COMMD7: variants seen among roughly 807,000 people sequenced by gnomAD.
COMMD7 encodes the protein COMM domain containing 7, also known as COMM domain-containing protein 7.
COMMD7 carries 28 observed loss-of-function variants against 34.8 expected under a neutral mutation model. The ratio of observed to expected loss-of-function variants is 0.80; its 90% CI spans 0.60 to 1.10. The LOEUF (loss-of-function observed/expected upper bound fraction) is 1.10, where lower values mean the gene tolerates loss of function less well. COMMD7 is among the 50% of genes least tolerant of loss of function. COMMD7 has a pLI of 0.00. For synonymous variants in COMMD7, 80 were observed against 86.4 expected (o/e 0.93, Z 0.41); for missense variants, 211 against 241.6 (o/e 0.87, Z 0.84).
At chr20:32,720,559 C>T (rs1985092254) in intron 3 of COMMD7, among the ~76,000 whole-genome samples, 1 of 152,136 alleles carries the variant, frequency 6.6e-6, no homozygotes, top group Admixed American at 6.6e-5. Flanking sequence ...CCTGTAATCC[C>T]AGCATTTTGG....
intron 3 of COMMD7, among the ~76,000 whole-genome samples, chr20:32,717,900 C>A (rs1428176662): frequency 2.0e-5 from 3 of 151,360 alleles, no homozygotes; most frequent in Non-Finnish European, 4.4e-5. Flanking sequence ...CCCTGGCTGA[C>A]ATGGTAAAAC....
At position 32,703,330 on chromosome 20, in the gene COMMD7, A is replaced by G. The variant is rs1455550446; in HGVS notation, c.*52T>C. 2.6e-6 allele frequency: 4 copies of G among 1,535,802 alleles called. No homozygotes were observed. The African/African-American group carries it at 4.1e-5, about 16-fold the overall frequency. On this transcript the variant is annotated 3_prime_UTR_variant, in exon 9 of 9. Transcript: ENST00000278980. ...GAAGTGCCTCTCAGAGCAGTCACCC[A>G]GGGAAGGGAGGAGGGCAGGGAACGG...
chr20:32,703,966 C>T (rs755769517), intron 8 of COMMD7, 57 bp downstream of exon 8: 24 of 1,612,686 alleles, frequency 1.5e-5, no homozygotes, highest in Admixed American at 8.4e-5. Flanking sequence ...GTCACCAGCC[C>T]CTGATTGCAG....
At chr20:32,741,066 C>T (rs1248499062) in intron 1 of COMMD7, among the ~76,000 whole-genome samples, 1 of 151,774 alleles carries the variant, frequency 6.6e-6, no homozygotes, top group Non-Finnish European at 1.5e-5. Context: ...TCACTTGAGC[C>T]CAGGAGGTGA....
intron 3 of COMMD7, among the ~76,000 whole-genome samples, chr20:32,713,729 G>C (rs1984606159): frequency 6.6e-6 from 1 of 152,198 alleles, no homozygotes; most frequent in African/African-American, 2.4e-5. Flanking sequence ...TCAATGAACT[G>C]AACAGACAAC....
chr20:32,703,116 A>G lies in COMMD7; in HGVS notation c.*266T>C, dbSNP rs1983848805. Reference sequence around the variant, plus strand: ...ATTTTCTCCCCTGAATCTGAGATGCAGTGGCCTGTCAGAGTATCTAAAAAT... The same window carrying G: ...ATTTTCTCCCCTGAATCTGAGATGCGGTGGCCTGTCAGAGTATCTAAAAAT... On this transcript the variant is annotated 3_prime_UTR_variant, in exon 9 of 9. Transcript: ENST00000278980. 6.0e-6 allele frequency: 2 copies of G among 335,744 alleles called. No individual in the cohort carries two copies. Among genetic ancestry groups the G allele is most frequent in the South Asian group, 2.5e-4 (2 of 8,118 alleles). 20.8% of individuals were successfully genotyped at this position (335,744 alleles called of 1,614,324 possible).
chr20:32,718,887 A>G (rs1016537431), intron 3 of COMMD7, among the ~76,000 whole-genome samples: 1 of 152,036 alleles, frequency 6.6e-6, no homozygotes, highest in South Asian at 2.1e-4. Flanking sequence ...AGATGTGTCA[A>G]TGTGTGCTTG....
intron 3 of COMMD7, among the ~76,000 whole-genome samples, chr20:32,721,608 A>G (rs2145746539): frequency 6.6e-6 from 1 of 151,498 alleles, no homozygotes; most frequent in Non-Finnish European, 1.5e-5. Flanking sequence ...AGCTGAGCAC[A>G]GTGGCTCATG....
intron 3 of COMMD7, among the ~76,000 whole-genome samples, chr20:32,715,191 A>AT (rs1241664042): frequency 6.6e-6 from 1 of 150,772 alleles, no homozygotes; most frequent in Non-Finnish European, 1.5e-5. Context: ...AATAATAATA[A>AT]AAAAACAGGC....
At chr20:32,717,950 G>A (rs1441269577) in intron 3 of COMMD7, among the ~76,000 whole-genome samples, 6 of 151,798 alleles carry the variant, frequency 4.0e-5, no homozygotes, top group Non-Finnish European at 5.9e-5. Context: ...AGAGCCTGGC[G>A]TGGTAGTGTG....
At chr20:32,730,000 G>A (rs1252536355) in intron 1 of COMMD7, among the ~76,000 whole-genome samples, 1 of 152,050 alleles carries the variant, frequency 6.6e-6, no homozygotes, top group Admixed American at 6.6e-5. Flanking sequence ...ACGACAGATT[G>A]AGACTCTGTC....
At chr20:32,732,565 A>C (rs1167616276) in intron 1 of COMMD7, among the ~76,000 whole-genome samples, 4 of 151,104 alleles carry the variant, frequency 2.6e-5, no homozygotes, top group Non-Finnish European at 1.5e-5. Flanking sequence ...CCAGGAGACA[A>C]GCATTATGTT....
rs150632337 is a variant in COMMD7, at chr20:32,733,864, G to A, written c.85-5722C>T. ...TGCACGATTGCACTCCAGCCTGGGC[G>A]GAGTGGAACTCCTTCTCAAAAAAAA... is the stretch of plus-strand genomic sequence containing the variant. On this transcript the variant is annotated intron_variant, in intron 1 of 8. Coordinates refer to ENST00000278980, the MANE Select transcript of COMMD7 (RefSeq NM_053041.3). Among the ~76,000 whole-genome samples, 144 of 142,606 alleles carry A rather than the reference G, an allele frequency of 1.0e-3. 2 individuals carry two copies. Among genetic ancestry groups the A allele is most frequent in the South Asian group, 5.0e-3 (22 of 4,428 alleles). The allele number at this position is 142,606 out of a possible 152,430, so 93.6% of individuals were successfully genotyped here.
intron 3 of COMMD7, among the ~76,000 whole-genome samples, chr20:32,718,585 G>A (rs1984955449): frequency 6.6e-6 from 1 of 152,150 alleles, no homozygotes; most frequent in Non-Finnish European, 1.5e-5. Flanking sequence ...TGTAATCCCA[G>A]CTACTTGGGA....
At chr20:32,717,624 C>A (rs1287894463) in intron 3 of COMMD7, among the ~76,000 whole-genome samples, 1 of 152,012 alleles carries the variant, frequency 6.6e-6, no homozygotes, top group Non-Finnish European at 1.5e-5. Context: ...CCATACCTGG[C>A]CAATTTTTTT....
In COMMD7 at chr20:32,703,356, G is replaced by A. The variant is rs376839090; in HGVS notation, c.*26C>T. 5.6e-6 allele frequency: 9 copies of A among 1,606,880 alleles called. No homozygotes were observed. In the African/African-American group the frequency reaches 6.7e-5, roughly 12 times the overall value. On this transcript the variant is annotated 3_prime_UTR_variant, in exon 9 of 9. Transcript: ENST00000278980. ...GGGAAGGGAGGAGGGCAGGGAACGGGGCCAGGGGAGATGCAGGGACAGAAA... is the reference window on the plus strand; with the variant it reads ...GGGAAGGGAGGAGGGCAGGGAACGGAGCCAGGGGAGATGCAGGGACAGAAA...
At chr20:32,718,249 A>G (rs895721486) in intron 3 of COMMD7, among the ~76,000 whole-genome samples, 1 of 151,858 alleles carries the variant, frequency 6.6e-6, no homozygotes, top group Non-Finnish European at 1.5e-5. Context: ...CTAAAAATAC[A>G]AAAAATTGGC....
chr20:32,737,653 A>T (rs1421850528), intron 1 of COMMD7, among the ~76,000 whole-genome samples: 3 of 144,738 alleles, frequency 2.1e-5, no homozygotes, highest in Non-Finnish European at 4.6e-5. Flanking sequence ...ACAAACAGTG[A>T]CCGTGTTGCT....
chr20:32,712,145 C>T (rs1051356806), intron 3 of COMMD7, among the ~76,000 whole-genome samples: 3 of 151,930 alleles, frequency 2.0e-5, no homozygotes, highest in South Asian at 2.1e-4. Context: ...TGGCAGGCGC[C>T]TGTAATCCCA....
Sources: gnomAD v4.1 joint callset for allele counts (sites outside exome capture counted in the v4.1 genomes callset) on GRCh38, gnomAD v4.1.1 for gene constraint, MANE v1.5 for transcripts, NCBI Gene and HGNC (gene_info 2026-07-23, HGNC 2026-07-21) for gene names.